The following GRIN2B variants were observed in gnomAD, a reference collection of about 807,000 sequenced individuals.
The protein encoded by GRIN2B is glutamate ionotropic receptor NMDA type subunit 2B.
Under a neutral mutation model 114.5 loss-of-function variants are expected in GRIN2B, and 5 were observed. That is an observed-to-expected ratio of 0.04 (90% CI 0.02 to 0.09). The LOEUF (loss-of-function observed/expected upper bound fraction) is 0.09. GRIN2B is among the 10% of genes least tolerant of loss of function. The pLI is 1.00. For missense variants in GRIN2B, 1,108 were observed against 1,943.5 expected (o/e 0.57, Z 8.08); for synonymous variants, 787 against 745.1 (o/e 1.06, Z -0.92).
intron 4 of GRIN2B, among the ~76,000 whole-genome samples, chr12:13,729,072 G>A (rs1252405163): frequency 2.6e-5 from 4 of 152,192 alleles, no homozygotes; most frequent in African/African-American, 9.7e-5. Flanking sequence ...CTCCATCTGA[G>A]AAAGAGATGA....
intron 2 of GRIN2B, among the ~76,000 whole-genome samples, chr12:13,920,639 G>A (rs1866807218): frequency 6.6e-6 from 1 of 152,104 alleles, no homozygotes; most frequent in Admixed American, 6.5e-5. Flanking sequence ...TGGGGAAGGT[G>A]GAAGAGAAAA....
chr12:13,630,926 C>A (rs1322049854), intron 5 of GRIN2B, among the ~76,000 whole-genome samples: 4 of 152,104 alleles, frequency 2.6e-5, no homozygotes, highest in Admixed American at 6.5e-5. Flanking sequence ...CCAGGAAACT[C>A]AAAATCATGG....
chr12:13,613,080 C>T (rs1949385867), intron 8 of GRIN2B, among the ~76,000 whole-genome samples: 1 of 152,206 alleles, frequency 6.6e-6, no homozygotes, highest in Non-Finnish European at 1.5e-5. Flanking sequence ...GCTTAACACA[C>T]CAACTGTGAA....
intron 3 of GRIN2B, among the ~76,000 whole-genome samples, chr12:13,852,692 G>GAAAAAAAAAAAAAAA (rs56860420): frequency 1.0e-5 from 1 of 95,898 alleles, no homozygotes; most frequent in African/African-American, 3.7e-5. Context: ...GAGAGATGAG[G>GAAAAAAAAAAAAAAA]AAAAAAAAAA....
In GRIN2B at chr12:13,557,244, C is replaced by T. The variant is rs936388115; in HGVS notation, c.*5539G>A. 1.3e-5 allele frequency: 2 copies of T among 152,156 alleles called. No individual in the cohort carries two copies. Among genetic ancestry groups the T allele is most frequent in the African/African-American group, 4.8e-5 (2 of 41,438 alleles). The allele number at this position is 152,156 out of a possible 1,614,324, so 9.4% of individuals were successfully genotyped here. A position where few individuals can be genotyped will look rare whatever the true frequency, so the allele number is the denominator to read the frequency against. On this transcript the variant is annotated 3_prime_UTR_variant, in exon 14 of 14. Transcript: ENST00000609686. Reference sequence around the variant, plus strand: ...CAGATCAATATTAGACATTCTCAGACTGACTAATCTGCCATTTTAGTGTCA... The same window carrying T: ...CAGATCAATATTAGACATTCTCAGATTGACTAATCTGCCATTTTAGTGTCA...
intron 2 of GRIN2B, among the ~76,000 whole-genome samples, chr12:13,894,610 T>C (rs1232896516): frequency 1.3e-5 from 2 of 152,140 alleles, no homozygotes; most frequent in African/African-American, 2.4e-5. Flanking sequence ...CTATTTTTTT[T>C]CCAAATATCC....
At chr12:13,632,516 G>A (rs1207035787) in intron 5 of GRIN2B, among the ~76,000 whole-genome samples, 1 of 152,186 alleles carries the variant, frequency 6.6e-6, no homozygotes, top group Non-Finnish European at 1.5e-5. Flanking sequence ...CTTTTCACAG[G>A]GGTTCTAGAA....
In GRIN2B at chr12:13,616,487, G is replaced by A; in HGVS notation, c.1296C>T (p.Asn432=). ...CTATGCGTTTTTGGCAGGGGACTGT[G>A]TTCCTCATGCAGGTTCCACTCAGAG... ...VDPLSGTCMR[N]TVPCQKRIVT... is the part of the protein sequence containing the mutation. The change falls in exon 6 of 14, where the codon AAC becomes AAT. Residue 432 remains asparagine, a synonymous_variant. Coordinates refer to ENST00000609686, the MANE Select transcript of GRIN2B (RefSeq NM_000834.5). 1 of 1,613,974 alleles carries A rather than the reference G, an allele frequency of 6.2e-7. No homozygotes were observed. Among genetic ancestry groups the A allele is most frequent in the Non-Finnish European group, 8.5e-7 (1 of 1,179,926 alleles).
intron 3 of GRIN2B, among the ~76,000 whole-genome samples, chr12:13,829,392 C>T (rs1483848431): frequency 1.3e-5 from 2 of 151,990 alleles, no homozygotes; most frequent in East Asian, 1.9e-4. Flanking sequence ...TGTTGAGTTA[C>T]ATATTGTTTA....
chr12:13,772,154 T>A (rs1246228501), intron 3 of GRIN2B, among the ~76,000 whole-genome samples: 3 of 152,250 alleles, frequency 2.0e-5, no homozygotes, highest in African/African-American at 4.8e-5. Flanking sequence ...GTTCTTCAGC[T>A]ATTATTCCCA....
intron 2 of GRIN2B, among the ~76,000 whole-genome samples, chr12:13,900,499 C>T (rs1591610966): frequency 1.3e-5 from 2 of 151,760 alleles, no homozygotes; most frequent in East Asian, 3.9e-4. Context: ...GTTAATAAAA[C>T]ATTTATGCAC....
intron 3 of GRIN2B, among the ~76,000 whole-genome samples, chr12:13,780,993 G>A (rs533259237): frequency 6.6e-6 from 1 of 152,284 alleles, no homozygotes; most frequent in African/African-American, 2.4e-5. Context: ...GATCACAGAT[G>A]TAGACCAATA....
intron 2 of GRIN2B, among the ~76,000 whole-genome samples, chr12:13,971,557 G>A (rs1216838718): frequency 6.6e-6 from 1 of 152,146 alleles, no homozygotes; most frequent in African/African-American, 2.4e-5. Context: ...CAGGGCTAGT[G>A]AATTCCAACT....
chr12:13,596,987 C>CA (rs202051018), intron 10 of GRIN2B, among the ~76,000 whole-genome samples: 5,490 of 152,288 alleles, frequency 0.036, 150 homozygotes, highest in Middle Eastern at 0.054. Context: ...AAAGAAGACA[C>CA]AGGGCTCTGG....
At chr12:13,708,443 T>A (rs1036202119) in intron 4 of GRIN2B, among the ~76,000 whole-genome samples, 2 of 152,094 alleles carry the variant, frequency 1.3e-5, no homozygotes, top group Admixed American at 1.3e-4. Context: ...ATAGAGAAGA[T>A]GTAATTAAAA....
chr12:13,686,279 T>C (rs926924967), intron 4 of GRIN2B, among the ~76,000 whole-genome samples: 7 of 152,200 alleles, frequency 4.6e-5, no homozygotes, highest in African/African-American at 1.2e-4. Context: ...TGAGTCAGAA[T>C]TTCAAGCAAG....
chr12:13,696,163 A>G (rs1950257201), intron 4 of GRIN2B, among the ~76,000 whole-genome samples: 1 of 152,198 alleles, frequency 6.6e-6, no homozygotes, highest in Non-Finnish European at 1.5e-5. Context: ...AGCCTGGAGC[A>G]TTAATGAAGA....
intron 4 of GRIN2B, among the ~76,000 whole-genome samples, chr12:13,695,974 G>A (rs1465127174): frequency 6.6e-6 from 1 of 152,090 alleles, no homozygotes; most frequent in Non-Finnish European, 1.5e-5. Flanking sequence ...GTGACTGCAG[G>A]GAGAATAAGT....
chr12:13,973,339 A>C (rs1413822775), intron 2 of GRIN2B, among the ~76,000 whole-genome samples: 1 of 152,182 alleles, frequency 6.6e-6, no homozygotes, highest in Non-Finnish European at 1.5e-5. Context: ...GGCAGTGAGG[A>C]AAGACACAGA....
Sources: allele counts gnomAD v4.1 joint callset (sites outside exome capture counted in the v4.1 genomes callset), GRCh38; gene constraint gnomAD v4.1.1; transcripts MANE v1.5; gene names NCBI Gene and HGNC (gene_info 2026-07-23, HGNC 2026-07-21).